The following MTA2 variants were observed in gnomAD, a reference collection of about 807,000 sequenced individuals.
MTA2 encodes the protein metastasis-associated protein MTA2.
In MTA2, 22 loss-of-function variants were observed where a neutral mutation model predicts 87.1. The ratio of observed to expected loss-of-function variants is 0.25; its 90% CI spans 0.18 to 0.36. MTA2 has a LOEUF of 0.36. Ranked by LOEUF, MTA2 falls within the 10% of genes least tolerant of loss-of-function variation. The pLI is 1.00. For synonymous variants in MTA2, 314 were observed against 310.1 expected, an observed-to-expected ratio of 1.01 and a Z score of -0.13; for missense variants, 542 against 853.2, an observed-to-expected ratio of 0.64 and a Z score of 4.54.
chr11:62,595,608 G>A lies in MTA2; in HGVS notation c.1255-116C>T, dbSNP rs758400980. ...TGTCTAATCTCTTTACTGACCTCTT[G>A]GCCTATGTGTCTCCCCAACCAGCAT... On this transcript the variant is annotated intron_variant, in intron 13 of 17. Coordinates refer to ENST00000278823, the MANE Select transcript of MTA2 (RefSeq NM_004739.4). The surrounding 1 kb of genome is among the most constrained non-coding windows in gnomAD (Gnocchi z 4.9). The A allele has an allele frequency of 1.3e-5, 19 of 1,501,638 alleles. No individual in the cohort carries two copies. The highest frequency in any genetic ancestry group is 1.7e-5 in the Non-Finnish European group (19 of 1,099,116). 93.0% of individuals were successfully genotyped at this position (1,501,638 alleles called of 1,614,324 possible). A position where few individuals can be genotyped will look rare whatever the true frequency, so the allele number is the denominator to read the frequency against.
In MTA2 at chr11:62,595,570, G is replaced by A; in HGVS notation, c.1255-78C>T. 6.4e-7 allele frequency: 1 copy of A among 1,554,492 alleles called. No homozygotes were observed. The highest frequency in any genetic ancestry group is 8.8e-7 in the Non-Finnish European group (1 of 1,135,560). ...CTTCTTTCTTCCATTCCCTGCAGGGGACAATTTATTCCTGTCTAATCTCTT... is the reference window on the plus strand; with the variant it reads ...CTTCTTTCTTCCATTCCCTGCAGGGAACAATTTATTCCTGTCTAATCTCTT... On this transcript the variant is annotated intron_variant, in intron 13 of 17. Coordinates refer to ENST00000278823, the MANE Select transcript of MTA2 (RefSeq NM_004739.4). The surrounding 1 kb of genome is among the most constrained non-coding windows in gnomAD (Gnocchi z 4.9).
rs1357248234 is a variant in MTA2 at position 62,601,665 on chromosome 11, G to A, written c.-215C>T. On this transcript the variant is annotated 5_prime_UTR_variant, in exon 1 of 18. Coordinates refer to ENST00000278823, the MANE Select transcript of MTA2 (RefSeq NM_004739.4). ...GCTATCGCCTCACTCCCGGGACGCT[G>A]AGGCTGGCCCCCGTCCGCTCGGCTT... 2.2e-5 allele frequency: 12 copies of A among 556,756 alleles called. No homozygotes were observed. The highest frequency in any genetic ancestry group is 3.7e-5 in the Non-Finnish European group (12 of 325,860). 34.5% of individuals were successfully genotyped at this position (556,756 alleles called of 1,614,324 possible).
intron 1 of MTA2, 71 bp downstream of exon 1, chr11:62,601,352 T>C: frequency 6.4e-7 from 1 of 1,567,016 alleles, no homozygotes; most frequent in Non-Finnish European, 8.7e-7. Context: ...CGCCACCCGG[T>C]GCCGAGCCCC....
chr11:62,594,593 T>G lies in MTA2; in HGVS notation c.1615A>C (p.Lys539Gln). ...PLKPKTPRGT[K>Q]TPINRNQLSQ... is the part of the protein sequence containing the mutation. ...AGCTGGTTTCTGTTGATCGGTGTCT[T>G]GGTACCCCGAGGTGTTTTTGGTTTC... The change falls in exon 16 of 18, where the codon AAG becomes CAG. Residue 539 changes from lysine (K) to glutamine (Q), a missense_variant. By Grantham distance (53) the Lys-to-Gln change is moderately conservative (BLOSUM62 1). Around this residue, in one of 6 missense-constraint regions of MTA2, gnomAD observed 269 missense variants for 346.4 expected, o/e 0.78. Coordinates refer to ENST00000278823, the MANE Select transcript of MTA2 (RefSeq NM_004739.4). The G allele has an allele frequency of 6.2e-7, 1 of 1,614,188 alleles. No individual in the cohort carries two copies. The highest frequency in any genetic ancestry group is 8.5e-7 in the Non-Finnish European group (1 of 1,180,026).
In MTA2 at chr11:62,594,993, C is replaced by G; in HGVS notation, c.1561G>C (p.Val521Leu). The G allele has an allele frequency of 6.2e-7, 1 of 1,614,046 alleles. No homozygotes were observed. Among genetic ancestry groups the G allele is most frequent in the Non-Finnish European group, 8.5e-7 (1 of 1,180,002 alleles). The part of the protein sequence containing the change: ...PLVRLPLATI[V>L]KDLVAQAPLK... ...CCCCATCCCATACCCAGATCTTTGA[C>G]GATAGTTGCCAGGGGCAGCCGCACC... The change falls in exon 15 of 18, where the codon GTC becomes CTC. Residue 521 changes from valine (V) to leucine (L), a missense_variant. Physicochemically the swap from Val to Leu is conservative, Grantham distance 32. Transcript: ENST00000278823.
In MTA2 at chr11:62,596,539, G is replaced by T; in HGVS notation, c.883-7C>A. 3 of 1,614,072 alleles carry T rather than the reference G, an allele frequency of 1.9e-6. No individual in the cohort carries two copies. The highest frequency in any genetic ancestry group is 2.5e-6 in the Non-Finnish European group (3 of 1,179,964). ...CAAGTGACTTCCAGGGTAGCTAAGG[G>T]GGGCAGAGGGAGGAAGAATGAGCTG... is the stretch of plus-strand genomic sequence containing the variant. On this transcript the variant is annotated splice_region_variant and splice_polypyrimidine_tract_variant and intron_variant, in intron 9 of 17. Coordinates refer to ENST00000278823, the MANE Select transcript of MTA2 (RefSeq NM_004739.4).
At chr11:62,600,580 G>A (rs756378958) in intron 2 of MTA2, 42 bp downstream of exon 2, 2 of 1,568,004 alleles carry the variant, frequency 1.3e-6, no homozygotes, top group Non-Finnish European at 1.8e-6. Context: ...CCTCAGAAGA[G>A]ACCACTGCGG....
chr11:62,597,351 T>G lies in MTA2; in HGVS notation c.658A>C (p.Met220Leu). 2 of 1,611,864 alleles carry G rather than the reference T, an allele frequency of 1.2e-6. No homozygotes were observed. Among genetic ancestry groups the G allele is most frequent in the Non-Finnish European group, 1.7e-6 (2 of 1,179,288 alleles). Residue 220 changes from methionine to leucine, a missense_variant, in exon 8 of 18, where the codon ATG (methionine) becomes CTG (leucine). Met to Leu is a conservative substitution (Grantham distance 15). Coordinates refer to ENST00000278823, the MANE Select transcript of MTA2 (RefSeq NM_004739.4). ...TCTCGGGAGGCAGCAGCTGCACTCA[T>G]GTGCAAGCTTGGCTGCCGAATGGAG... ...SSSIRQPSLHMSAAAASRDIT... is the reference protein window; with the variant it reads ...SSSIRQPSLHLSAAAASRDIT...
chr11:62,595,403 A>G lies in MTA2; in HGVS notation c.1344T>C (p.Ala448=). ...GAAGCAGGAAAGTTTGTCTGTTCTTAGCCAGTAGCTTGGCCCTGTTGGCGC... is the reference window on the plus strand; with the variant it reads ...GAAGCAGGAAAGTTTGTCTGTTCTTGGCCAGTAGCTTGGCCCTGTTGGCGC... ...TTSANRAKLL[A]KNRQTFLLQT... The change falls in exon 14 of 18, where the codon GCT becomes GCC. Residue 448 remains alanine, a synonymous_variant. Transcript: ENST00000278823. The surrounding 1 kb of genome is among the most constrained non-coding windows in gnomAD (Gnocchi z 4.9). 1 of 1,614,252 alleles carries G rather than the reference A, an allele frequency of 6.2e-7. No individual in the cohort carries two copies. Among genetic ancestry groups the G allele is most frequent in the Non-Finnish European group, 8.5e-7 (1 of 1,180,046 alleles).
Position 62,600,688 on chromosome 11 carries a change from A to C in MTA2, c.30T>G (p.Asp10Glu). ...TGGAAGAGTTCTCAAAATAGACGTA[A>C]TCTGTAAGGGAAGGGAGGGGGGAGA... MAANMYRVGDYVYFENSSSN... is the reference protein window; with the variant it reads MAANMYRVGEYVYFENSSSN... Residue 10 changes from aspartate to glutamate, a missense_variant and splice_region_variant, in exon 2 of 18, where the codon GAT (aspartate) becomes GAG (glutamate). Around this residue, in one of 6 missense-constraint regions of MTA2, gnomAD observed 150 missense variants for 243.9 expected, o/e 0.62. Transcript: ENST00000278823. The C allele has an allele frequency of 6.2e-7, 1 of 1,613,632 alleles. No individual in the cohort carries two copies. The highest frequency in any genetic ancestry group is 8.5e-7 in the Non-Finnish European group (1 of 1,179,704).
In MTA2 at chr11:62,593,871, G is replaced by C. The variant is rs756037962; in HGVS notation, c.*4C>G. ...CTCAGCCCACCTCCCTTCCCCACAG[G>C]TGCTCAGTCCTCCAGGACAATAGGC... On this transcript the variant is annotated 3_prime_UTR_variant, in exon 18 of 18. Coordinates refer to ENST00000278823, the MANE Select transcript of MTA2 (RefSeq NM_004739.4). The C allele has an allele frequency of 4.3e-6, 7 of 1,613,862 alleles. No individual in the cohort carries two copies. In the South Asian group the frequency reaches 5.5e-5, roughly 13 times the overall value.
rs956311708 is a variant in MTA2 at position 62,594,860 on chromosome 11, T to C, written c.1573+121A>G. On this transcript the variant is annotated intron_variant, in intron 15 of 17. Coordinates refer to ENST00000278823, the MANE Select transcript of MTA2 (RefSeq NM_004739.4). ...AAAAAAAATTATTAAACAACAAAAG[T>C]ACAGTTTGTTAGACTAAATCTCTGA... is the stretch of plus-strand genomic sequence containing the variant. 10 of 975,160 alleles carry C rather than the reference T, an allele frequency of 1.0e-5. No homozygotes were observed. The African/African-American group carries it at 1.1e-4, about 11-fold the overall frequency. The allele number at this position is 975,160 out of a possible 1,614,324, so 60.4% of individuals were successfully genotyped here. A position where few individuals can be genotyped will look rare whatever the true frequency, so the allele number is the denominator to read the frequency against.
At position 62,593,711 on chromosome 11, in the gene MTA2, A is replaced by G. The variant is rs1170687435; in HGVS notation, c.*164T>C. The G allele has an allele frequency of 1.3e-6, 1 of 768,522 alleles. No individual in the cohort carries two copies. Among genetic ancestry groups the G allele is most frequent in the Non-Finnish European group, 2.1e-6 (1 of 487,496 alleles). 47.6% of individuals were successfully genotyped at this position (768,522 alleles called of 1,614,324 possible). A position where few individuals can be genotyped will look rare whatever the true frequency, so the allele number is the denominator to read the frequency against. On this transcript the variant is annotated 3_prime_UTR_variant, in exon 18 of 18. Transcript: ENST00000278823. ...GCATGGAGGCATGAGACAAGTCTCG[A>G]GGTGGTAACACCAGAGGGCGCCCAA...
At position 62,601,583 on chromosome 11, in the gene MTA2, G is replaced by GCACCTCCGCTGCCTCAGCCGT; in HGVS notation, c.-154_-134dup. On this transcript the variant is annotated 5_prime_UTR_variant, in exon 1 of 18. Coordinates refer to ENST00000278823, the MANE Select transcript of MTA2 (RefSeq NM_004739.4). The stretch of plus-strand genomic sequence containing the variant: ...AGTCTCACTGGGGCCCGCGCAGCCG[G>GCACCTCCGCTGCCTCAGCCGT]CACCTCCGCTGCCTCAGCCGTCGCG... The GCACCTCCGCTGCCTCAGCCGT allele has an allele frequency of 9.4e-7, 1 of 1,058,542 alleles. No individual in the cohort carries two copies. Among genetic ancestry groups the GCACCTCCGCTGCCTCAGCCGT allele is most frequent in the South Asian group, 1.7e-5 (1 of 59,338 alleles). 65.6% of individuals were successfully genotyped at this position (1,058,542 alleles called of 1,614,324 possible).
Position 62,595,376 on chromosome 11 carries a change from C to G in MTA2, c.1371G>C (p.Gln457His). 6.2e-7 allele frequency: 1 copy of G among 1,614,212 alleles called. No individual in the cohort carries two copies. Among genetic ancestry groups the G allele is most frequent in the Non-Finnish European group, 8.5e-7 (1 of 1,180,046 alleles). Reference sequence around the variant, plus strand: ...TGGCAAGACGGGTCAGCTTTGTGGTCTGAAGCAGGAAAGTTTGTCTGTTCT... The same window carrying G: ...TGGCAAGACGGGTCAGCTTTGTGGTGTGAAGCAGGAAAGTTTGTCTGTTCT... ...LAKNRQTFLL[Q>H]TTKLTRLARR... Residue 457 changes from glutamine (Q) to histidine (H), a missense_variant, in exon 14 of 18, where the codon CAG becomes CAC. This residue lies in a region of MTA2 where 269 missense variants were observed against 346.4 expected (regional missense o/e 0.78). Transcript: ENST00000278823. This position sits in a 1 kb window ranked among gnomAD's most constrained non-coding sequence, Gnocchi z 4.9.
intron 5 of MTA2, 48 bp downstream of exon 5, chr11:62,598,279 C>T (rs757835428): frequency 1.8e-5 from 28 of 1,586,224 alleles, no homozygotes; most frequent in Middle Eastern, 3.3e-4. Context: ...CTCTCTTTTG[C>T]GGGCAATACC....
At position 62,596,029 on chromosome 11, in the gene MTA2, C is replaced by G. The variant is rs760459329; in HGVS notation, c.1095G>C (p.Leu365=). Residue 365 remains leucine (L), a synonymous_variant, in exon 12 of 18, where the codon CTG becomes CTC. Transcript: ENST00000278823. ...ACTCACTGTGGCAACTCTCACAAGT[C>G]AGGCCCTTCTGAAATCCAGCCCCAT... ...GMNGAGFQKG[L]TCESCHTTQS... The G allele has an allele frequency of 7.4e-6, 12 of 1,614,204 alleles. No individual in the cohort carries two copies. Among genetic ancestry groups the G allele is most frequent in the South Asian group, 2.2e-5 (2 of 91,074 alleles).
In MTA2 at chr11:62,593,959, C is replaced by T. The variant is rs540705606; in HGVS notation, c.1923G>A (p.Thr641=). The change falls in exon 18 of 18, where the codon ACG becomes ACA. Residue 641 remains threonine, a synonymous_variant. Coordinates refer to ENST00000278823, the MANE Select transcript of MTA2 (RefSeq NM_004739.4). Reference sequence around the variant, plus strand: ...GGACAGGGGGCCGCACTGCAATCAGCGTTGGCTTCACCTTCAGGGGCAAGT... The same window carrying T: ...GGACAGGGGGCCGCACTGCAATCAGTGTTGGCTTCACCTTCAGGGGCAAGT... ...RPNLPLKVKP[T]LIAVRPPVPL... is the part of the protein sequence containing the mutation. The T allele has an allele frequency of 4.3e-6, 7 of 1,614,084 alleles. No homozygotes were observed. Among genetic ancestry groups the T allele is most frequent in the African/African-American group, 2.7e-5 (2 of 75,036 alleles).
In MTA2 at chr11:62,595,155, A is replaced by C; in HGVS notation, c.1484-85T>G. 1 of 1,548,736 alleles carries C rather than the reference A, an allele frequency of 6.5e-7. No individual in the cohort carries two copies. ...AGAAGCCAACTCTAATCTTAAAAAA[A>C]TTATCTGTGGCCTACTATCCCTCCT... On this transcript the variant is annotated intron_variant, in intron 14 of 17. Coordinates refer to ENST00000278823, the MANE Select transcript of MTA2 (RefSeq NM_004739.4). The surrounding 1 kb of genome is among the most constrained non-coding windows in gnomAD (Gnocchi z 4.9).
Sources: gnomAD v4.1 joint callset for allele counts on GRCh38, gnomAD v4.1.1 for gene constraint, gnomAD v4.1.1 regional missense constraint, Gnocchi (gnomAD v3.1) non-coding constraint, MANE v1.5 for transcripts, NCBI Gene and HGNC (gene_info 2026-07-23, HGNC 2026-07-21) for gene names.